ZNF410: variants seen among roughly 807,000 people sequenced by gnomAD.
ZNF410 encodes zinc finger protein 410.
Under a neutral mutation model 54.8 loss-of-function variants are expected in ZNF410, and 18 were observed. That is an observed-to-expected ratio of 0.33 (90% CI 0.23 to 0.49). The LOEUF is 0.49. ZNF410 is among the 20% of genes least tolerant of loss of function. The pLI is 0.99. For missense variants in ZNF410, 405 were observed against 569.6 expected, an observed-to-expected ratio of 0.71 and a Z score of 2.94; for synonymous variants, 191 against 207.3, an observed-to-expected ratio of 0.92 and a Z score of 0.68.
intron 7 of ZNF410, among the ~76,000 whole-genome samples, chr14:73,905,970 T>TAC (rs1350018903): frequency 0.13 from 2,775 of 21,154 alleles, 79 homozygotes; most frequent in African/African-American, 0.17. Context: ...CACACACACA[T>TAC]ATATATATAT....
intron 8 of ZNF410, chr14:73,909,655 CCTT>C (rs2055547637): frequency 4.5e-6 from 2 of 448,482 alleles, no homozygotes; most frequent in Non-Finnish European, 8.0e-6. Context: ...TCTAATAAAG[CCTT>C]CTTTTGAAGA....
Position 73,893,856 on chromosome 14 carries a change from A to G in ZNF410, c.93A>G (p.Ser31=). The G allele has an allele frequency of 2.5e-6, 4 of 1,614,160 alleles. No homozygotes were observed. The highest frequency in any genetic ancestry group is 3.4e-6 in the Non-Finnish European group (4 of 1,180,036). Residue 31 remains serine (S), a synonymous_variant, in exon 3 of 12, where the codon TCA becomes TCG. Coordinates refer to ENST00000555044, the MANE Select transcript of ZNF410 (RefSeq NM_021188.3). ...SIPLGQGLVE[S]EAKDITCLSL... is the part of the protein sequence containing the mutation. ...CATTGGGACAGGGGCTTGTAGAATC[A>G]GAAGCTAAAGATATTACTTGCTTGT...
chr14:73,889,329 A>G (rs1340543572), intron 1 of ZNF410, among the ~76,000 whole-genome samples: 3 of 147,602 alleles, frequency 2.0e-5, no homozygotes, highest in African/African-American at 7.4e-5. Flanking sequence ...ATGTGCCACC[A>G]TGTGATGCTA....
intron 8 of ZNF410, chr14:73,915,889 G>C (rs1424809533): frequency 6.6e-6 from 1 of 152,138 alleles, no homozygotes; most frequent in Non-Finnish European, 1.5e-5. Flanking sequence ...CATTTGGTCA[G>C]GGTGTATAGT....
chr14:73,925,895 G>A (rs1314305957), intron 11 of ZNF410, among the ~76,000 whole-genome samples: 1 of 152,088 alleles, frequency 6.6e-6, no homozygotes, highest in Non-Finnish European at 1.5e-5. Flanking sequence ...TTAGCGGGAC[G>A]TGGTGGCATG....
intron 4 of ZNF410, among the ~76,000 whole-genome samples, chr14:73,897,763 G>A (rs2055341895): frequency 6.6e-6 from 1 of 152,028 alleles, no homozygotes; most frequent in African/African-American, 2.4e-5. Flanking sequence ...CACGAGGTCA[G>A]GAGTTCAAGA....
At chr14:73,919,242 C>T (rs1177673395) in intron 8 of ZNF410, among the ~76,000 whole-genome samples, 2 of 151,744 alleles carry the variant, frequency 1.3e-5, no homozygotes, top group African/African-American at 4.8e-5. Flanking sequence ...AGTAATCTGC[C>T]CGCCTCGGCC....
rs553320325 is a variant in ZNF410, at chr14:73,892,499, T to C, written c.33+291T>C. ...TTATGTATAAATATATACATAAATATGAGATACATGTGATGTATAGGTGTA... is the reference window on the plus strand; with the variant it reads ...TTATGTATAAATATATACATAAATACGAGATACATGTGATGTATAGGTGTA... On this transcript the variant is annotated intron_variant, in intron 2 of 11. Transcript: ENST00000555044. 5.9e-5 allele frequency among the ~76,000 whole-genome samples: 9 copies of C among 151,878 alleles called. No individual in the cohort carries two copies. In the South Asian group the frequency reaches 1.5e-3, roughly 24 times the overall value.
chr14:73,905,893 A>G (rs2055474594), intron 7 of ZNF410, among the ~76,000 whole-genome samples: 1 of 151,060 alleles, frequency 6.6e-6, no homozygotes, highest in Non-Finnish European at 1.5e-5. Context: ...AAAGGCATAT[A>G]TATACATACA....
intron 8 of ZNF410, among the ~76,000 whole-genome samples, chr14:73,910,276 T>A (rs939995776): frequency 6.6e-6 from 1 of 152,188 alleles, no homozygotes; most frequent in Non-Finnish European, 1.5e-5. Context: ...CAGGAAGAGA[T>A]GAGAAGACTT....
chr14:73,923,023 G>C (rs1209932186), intron 10 of ZNF410, among the ~76,000 whole-genome samples: 1 of 152,070 alleles, frequency 6.6e-6, no homozygotes, highest in Non-Finnish European at 1.5e-5. Flanking sequence ...CTATGTTTTT[G>C]TTACTCATAT....
chr14:73,908,494 C>T (rs542457182), intron 7 of ZNF410, among the ~76,000 whole-genome samples: 1 of 151,996 alleles, frequency 6.6e-6, no homozygotes, highest in Non-Finnish European at 1.5e-5. Context: ...AAAAAGCTAC[C>T]GGTGGAGAGT....
At chr14:73,892,637 TCTTA>T (rs1444697561) in intron 2 of ZNF410, among the ~76,000 whole-genome samples, 2 of 152,186 alleles carry the variant, frequency 1.3e-5, no homozygotes, top group African/African-American at 4.8e-5. Context: ...TGTTCACTTT[TCTTA>T]CTTTAAATTT....
intron 5 of ZNF410, 53 bp from the exon 6 acceptor site, chr14:73,903,907 A>G: frequency 6.2e-7 from 1 of 1,603,042 alleles, no homozygotes. Context: ...GTTTGAGCCT[A>G]AGTATCTGAG....
intron 1 of ZNF410, among the ~76,000 whole-genome samples, chr14:73,890,228 G>T (rs1378397099): frequency 2.7e-5 from 4 of 149,764 alleles, no homozygotes; most frequent in Non-Finnish European, 4.4e-5. Context: ...TTGCTCTGTC[G>T]CCCAGGCTGG....
At position 73,904,978 on chromosome 14, in the gene ZNF410, A is replaced by T; in HGVS notation, c.808A>T (p.Met270Leu). ...TGTGCTGCAGAGGCTGAAGGTGCACATGAGGACCCACAATGGAGAGAAGCC... is the reference window on the plus strand; with the variant it reads ...TGTGCTGCAGAGGCTGAAGGTGCACTTGAGGACCCACAATGGAGAGAAGCC... ...FYVLQRLKVH[M>L]RTHNGEKPFM... Residue 270 changes from methionine to leucine, a missense_variant, in exon 7 of 12, where the codon ATG becomes TTG. Coordinates refer to ENST00000555044, the MANE Select transcript of ZNF410 (RefSeq NM_021188.3). The T allele has an allele frequency of 6.2e-7, 1 of 1,614,208 alleles. No individual in the cohort carries two copies. The highest frequency in any genetic ancestry group is 8.5e-7 in the Non-Finnish European group (1 of 1,180,036).
At chr14:73,929,049 G>GAA in intron 11 of ZNF410, among the ~76,000 whole-genome samples, 1 of 152,284 alleles carries the variant, frequency 6.6e-6, no homozygotes, top group East Asian at 1.9e-4. Flanking sequence ...ACACAAAAGG[G>GAA]AAAGTGCTGT....
At chr14:73,905,280 G>A (rs949056115) in intron 7 of ZNF410, 197 bp downstream of exon 7, 3 of 535,656 alleles carry the variant, frequency 5.6e-6, no homozygotes, top group African/African-American at 1.9e-5. Flanking sequence ...TGTGTGTAGA[G>A]TAGACAGTGT....
chr14:73,899,166 A>AT (rs1234653505), intron 5 of ZNF410, among the ~76,000 whole-genome samples: 2 of 151,146 alleles, frequency 1.3e-5, no homozygotes, highest in Non-Finnish European at 2.9e-5. Flanking sequence ...GCTTATTATT[A>AT]TTTTTTGATT....
Sources: allele counts gnomAD v4.1 joint callset (sites outside exome capture counted in the v4.1 genomes callset), GRCh38; gene constraint gnomAD v4.1.1; transcripts MANE v1.5; gene names NCBI Gene and HGNC (gene_info 2026-07-23, HGNC 2026-07-21).